The following VGLL3 variants were observed in gnomAD, a reference collection of about 807,000 sequenced individuals.
VGLL3 encodes vestigial like family member 3, also known as transcription cofactor vestigial-like protein 3.
Under a neutral mutation model 29.2 loss-of-function variants are expected in VGLL3, and 18 were observed. The ratio of observed to expected loss-of-function variants is 0.62; its 90% CI spans 0.43 to 0.91. The LOEUF is 0.91. Among genes scored for constraint, VGLL3 ranks in the 40% least tolerant of loss-of-function variants. The pLI, the probability that VGLL3 is intolerant of heterozygous loss-of-function variation, is 0.00. For synonymous variants in VGLL3, 180 were observed against 151.8 expected, an observed-to-expected ratio of 1.19 and a Z score of -1.36; for missense variants, 440 against 413.2, an observed-to-expected ratio of 1.06 and a Z score of -0.56.
rs79391067 is a variant in VGLL3, at chr3:86,980,520, G to C, written c.127-1718C>G. On this transcript the variant is annotated intron_variant, in intron 1 of 3. Transcript: ENST00000398399. ...CATACTTTGTAAGTGAATGTGCCTT[G>C]CTGATGAATAGATGATTGCTTTTAT... Among the ~76,000 whole-genome samples the C allele has an allele frequency of 4.3e-3, 658 of 152,172 alleles. 4 individuals are homozygous for C. The highest frequency in any genetic ancestry group is 0.015 in the African/African-American group (624 of 41,530).
chr3:86,991,066 G>A lies in VGLL3; in HGVS notation c.-323C>T. The A allele has an allele frequency of 4.5e-6, 2 of 443,774 alleles. No individual in the cohort carries two copies. Among genetic ancestry groups the A allele is most frequent in the Non-Finnish European group, 6.0e-6 (2 of 333,134 alleles). The allele number at this position is 443,774 out of a possible 1,614,324, so 27.5% of individuals were successfully genotyped here. A position where few individuals can be genotyped will look rare whatever the true frequency, so the allele number is the denominator to read the frequency against. Reference sequence around the variant, plus strand: ...CGCGTCCGGCTCCCGCGAGGGCTGCGGCGCCCACGGCAGCGCCAGTCACAG... The same window carrying A: ...CGCGTCCGGCTCCCGCGAGGGCTGCAGCGCCCACGGCAGCGCCAGTCACAG... On this transcript the variant is annotated 5_prime_UTR_variant, in exon 1 of 4. Transcript: ENST00000398399.
rs1167584909 is a variant in VGLL3 at position 86,938,027 on chromosome 3, T to A, written c.*8997A>T. The stretch of plus-strand genomic sequence containing the variant: ...AATTTGTTTAACACAAAATGGCACA[T>A]AGCATGATATCATGTCACCCATTGA... On this transcript the variant is annotated 3_prime_UTR_variant, in exon 4 of 4. Transcript: ENST00000398399. 1 of 152,198 alleles carries A rather than the reference T, an allele frequency of 6.6e-6. No homozygotes were observed. 9.4% of individuals were successfully genotyped at this position (152,198 alleles called of 1,614,324 possible).
At chr3:86,952,120 G>A (rs1192494711) in intron 3 of VGLL3, among the ~76,000 whole-genome samples, 1 of 152,006 alleles carries the variant, frequency 6.6e-6, no homozygotes, top group African/African-American at 2.4e-5. Context: ...AGGAACAGAG[G>A]CAACCCCAAG....
chr3:86,978,215 A>G (rs62257349), intron 2 of VGLL3, among the ~76,000 whole-genome samples: 2,321 of 152,254 alleles, frequency 0.015, 29 homozygotes, highest in Admixed American at 0.03. Flanking sequence ...TTATTTAGAG[A>G]TCCAAATTGG....
chr3:86,981,778 C>T, intron 1 of VGLL3, among the ~76,000 whole-genome samples: 1 of 151,968 alleles, frequency 6.6e-6, no homozygotes, highest in East Asian at 1.9e-4. Flanking sequence ...AATTTTTTTT[C>T]AGATAAAGTT....
chr3:86,948,437 T>G (rs1704548018), intron 3 of VGLL3, among the ~76,000 whole-genome samples: 1 of 152,154 alleles, frequency 6.6e-6, no homozygotes, highest in South Asian at 2.1e-4. Context: ...CATTACAAAA[T>G]AGGACACAAT....
At position 86,947,026 on chromosome 3, in the gene VGLL3, A is replaced by T. The variant is rs1462298245; in HGVS notation, c.979T>A (p.Ter327ArgextTer5). Residue 327 changes from the stop codon to arginine, a stop_lost, in exon 4 of 4, where the codon TGA becomes AGA. Transcript: ENST00000398399. ...TTAACTCACTAAGATTGTGTGTTTC[A>T]GTACCACGGTGATTCCTTACTCTTG... Reference protein sequence around the residue: ...QDKSKESPWY* With the variant: ...QDKSKESPWYR 2 of 780,516 alleles carry T rather than the reference A, an allele frequency of 2.6e-6. No homozygotes were observed. The highest frequency in any genetic ancestry group is 4.8e-6 in the Non-Finnish European group (2 of 417,784). 48.3% of individuals were successfully genotyped at this position (780,516 alleles called of 1,614,324 possible). A position where few individuals can be genotyped will look rare whatever the true frequency, so the allele number is the denominator to read the frequency against.
chr3:86,987,151 C>A (rs1387076467), intron 1 of VGLL3, among the ~76,000 whole-genome samples: 3 of 152,102 alleles, frequency 2.0e-5, no homozygotes, highest in Non-Finnish European at 4.4e-5. Context: ...TTTAGCTAGG[C>A]ATTTCAGCCC....
chr3:86,991,025 G>T lies in VGLL3; in HGVS notation c.-282C>A, dbSNP rs965786340. ...GCTCAGGGACGCAGCCGCCCGCTGC[G>T]CCGCTGGGGCATTACCGCGTCCGGC... On this transcript the variant is annotated 5_prime_UTR_variant, in exon 1 of 4. Coordinates refer to ENST00000398399, the MANE Select transcript of VGLL3 (RefSeq NM_016206.4). 42 of 797,094 alleles carry T rather than the reference G, an allele frequency of 5.3e-5. No individual in the cohort carries two copies. Among genetic ancestry groups the T allele is most frequent in the Non-Finnish European group, 6.4e-5 (42 of 652,760 alleles). 49.4% of individuals were successfully genotyped at this position (797,094 alleles called of 1,614,324 possible).
intron 2 of VGLL3, among the ~76,000 whole-genome samples, chr3:86,976,357 A>G (rs1209511760): frequency 3.9e-5 from 6 of 152,116 alleles, no homozygotes; most frequent in African/African-American, 1.4e-4. Flanking sequence ...TTATCACCTT[A>G]TGTAAAATAA....
At chr3:86,964,993 A>G (rs1226522581) in intron 3 of VGLL3, among the ~76,000 whole-genome samples, 1 of 151,982 alleles carries the variant, frequency 6.6e-6, no homozygotes, top group Non-Finnish European at 1.5e-5. Flanking sequence ...CCCCATCTCT[A>G]CTAAAAATAC....
intron 3 of VGLL3, among the ~76,000 whole-genome samples, chr3:86,955,546 C>T (rs896967594): frequency 2.6e-5 from 4 of 151,958 alleles, no homozygotes; most frequent in Admixed American, 1.3e-4. Flanking sequence ...TGTGCCACCC[C>T]GCCTGGCTAA....
intron 2 of VGLL3, among the ~76,000 whole-genome samples, chr3:86,970,516 CACACAT>C (rs1400742455): frequency 6.9e-6 from 1 of 145,550 alleles, no homozygotes; most frequent in Non-Finnish European, 1.5e-5. Context: ...CACACACACA[CACACAT>C]ATGACAGCAG....
chr3:86,938,784 T>C lies in VGLL3; in HGVS notation c.*8240A>G, dbSNP rs956235096. The C allele has an allele frequency of 6.6e-6, 1 of 152,466 alleles. No homozygotes were observed. The highest frequency in any genetic ancestry group is 1.5e-5 in the Non-Finnish European group (1 of 68,054). 9.4% of individuals were successfully genotyped at this position (152,466 alleles called of 1,614,324 possible). A position where few individuals can be genotyped will look rare whatever the true frequency, so the allele number is the denominator to read the frequency against. On this transcript the variant is annotated 3_prime_UTR_variant, in exon 4 of 4. Transcript: ENST00000398399. ...TGATAGCAGATGGAGTGATTCAATC[T>C]GGACAAAAGTGTTAAAGCTTTACCA...
chr3:86,975,814 C>T (rs1705198601), intron 2 of VGLL3, among the ~76,000 whole-genome samples: 1 of 151,908 alleles, frequency 6.6e-6, no homozygotes, highest in Admixed American at 6.6e-5. Context: ...ATGTAAAAAG[C>T]TCTAAAACAG....
intron 1 of VGLL3, among the ~76,000 whole-genome samples, chr3:86,989,773 C>G (rs969083771): frequency 5.9e-5 from 9 of 152,066 alleles, no homozygotes; most frequent in Non-Finnish European, 1.0e-4. Context: ...GTAGCACTAA[C>G]TAAGCCTTGG....
intron 1 of VGLL3, among the ~76,000 whole-genome samples, chr3:86,981,062 A>T (rs962238902): frequency 1.3e-5 from 2 of 152,154 alleles, no homozygotes; most frequent in Non-Finnish European, 2.9e-5. Context: ...ATAAAGTCAA[A>T]GTTTTATTTT....
chr3:86,947,693 T>C (rs1235637560), intron 3 of VGLL3, among the ~76,000 whole-genome samples: 3 of 152,160 alleles, frequency 2.0e-5, no homozygotes, highest in African/African-American at 4.8e-5. Flanking sequence ...CCAAAAAGTA[T>C]TTAAAGTGGA....
chr3:86,952,197 A>G (rs1479405306), intron 3 of VGLL3, among the ~76,000 whole-genome samples: 4 of 152,322 alleles, frequency 2.6e-5, no homozygotes, highest in African/African-American at 9.6e-5. Context: ...TAAACTGAGA[A>G]TAACGGAGCT....
Sources: gnomAD v4.1 joint callset for allele counts (sites outside exome capture counted in the v4.1 genomes callset) on GRCh38, gnomAD v4.1.1 for gene constraint, MANE v1.5 for transcripts, NCBI Gene and HGNC (gene_info 2026-07-23, HGNC 2026-07-21) for gene names.